Variants in STARD10 observed in about 807,000 individuals in gnomAD.
STARD10 encodes the protein START domain-containing protein 10.
STARD10 carries 24 observed loss-of-function variants against 36.0 expected under a neutral mutation model. The observed-to-expected ratio is 0.67, with a 90% CI of 0.48 to 0.94. STARD10 has a LOEUF of 0.94. Among genes scored for constraint, STARD10 ranks in the 40% least tolerant of loss-of-function variants. STARD10 has a pLI of 0.00. For synonymous variants in STARD10, 156 were observed against 161.9 expected, an observed-to-expected ratio of 0.96 and a Z score of 0.28; for missense variants, 335 against 396.6, an observed-to-expected ratio of 0.84 and a Z score of 1.32.
rs766874491 is a variant in STARD10 at position 72,781,220 on chromosome 11, G to C, written c.-39C>G. 1.5e-5 allele frequency: 23 copies of C among 1,571,310 alleles called. No homozygotes were observed. In the South Asian group the frequency reaches 2.5e-4, roughly 17 times the overall value. Reference sequence around the variant, plus strand: ...AGGCCCAGGGCCCTGGTCCTAGTCCGGCTCTCCTGGGTCCTCCGCGGAGGC... The same window carrying C: ...AGGCCCAGGGCCCTGGTCCTAGTCCCGCTCTCCTGGGTCCTCCGCGGAGGC... On this transcript the variant is annotated 5_prime_UTR_variant, in exon 2 of 7. Transcript: ENST00000334805. The surrounding 1 kb of genome is among the most constrained non-coding windows in gnomAD (Gnocchi z 4.7).
At chr11:72,790,345 G>A (rs1432840931) in intron 1 of STARD10, 6 of 134,378 alleles carry the variant, frequency 4.5e-5, no homozygotes, top group Non-Finnish European at 9.7e-5. Context: ...ACCTCGCCGT[G>A]GGGCTCTCAG....
intron 2 of STARD10, among the ~76,000 whole-genome samples, chr11:72,771,275 C>G (rs1858853013): frequency 6.6e-6 from 1 of 152,144 alleles, no homozygotes; most frequent in African/African-American, 2.4e-5. Flanking sequence ...ATGCTGGGAG[C>G]TAGGGCTTTT....
At position 72,757,885 on chromosome 11, in the gene STARD10, CTGGGGA is replaced by C; in HGVS notation, c.460-7_460-2del. ...CCAAGTCTTTCCGAGGTGGGTATTT[CTGGGGA>C]TGGAAGGCACAGGGAGGTGAGACTC... On this transcript the variant is annotated splice_acceptor_variant and splice_polypyrimidine_tract_variant and intron_variant, in intron 4 of 6. Transcript: ENST00000334805. LOFTEE classifies it high-confidence loss of function. The C allele has an allele frequency of 6.2e-7, 1 of 1,614,106 alleles. No individual in the cohort carries two copies. Among genetic ancestry groups the C allele is most frequent in the Non-Finnish European group, 8.5e-7 (1 of 1,179,956 alleles).
chr11:72,771,471 G>C (rs1193350703), intron 2 of STARD10, among the ~76,000 whole-genome samples: 1 of 152,082 alleles, frequency 6.6e-6, no homozygotes, highest in Non-Finnish European at 1.5e-5. Context: ...TGAAGTGAAG[G>C]GGATCTGGCA....
intron 2 of STARD10, among the ~76,000 whole-genome samples, chr11:72,764,679 A>G (rs1373882772): frequency 2.6e-5 from 4 of 152,186 alleles, no homozygotes; most frequent in Admixed American, 2.6e-4. Context: ...CAAAGGTGTA[A>G]TTCTAAGAGG....
rs185645746 is a variant in STARD10, at chr11:72,772,897, A to G, written c.207+8078T>C. Among the ~76,000 whole-genome samples, 586 of 151,820 alleles carry G rather than the reference A, an allele frequency of 3.9e-3. 4 individuals carry two copies. The highest frequency in any genetic ancestry group is 6.0e-3 in the Non-Finnish European group (411 of 67,942). On this transcript the variant is annotated intron_variant, in intron 2 of 6. Transcript: ENST00000334805. Reference sequence around the variant, plus strand: ...GGAGAAGCCCCTGTACCGTCCCCCAACCATGCTGCCAGTCATATACTCACT... The same window carrying G: ...GGAGAAGCCCCTGTACCGTCCCCCAGCCATGCTGCCAGTCATATACTCACT...
Position 72,781,069 on chromosome 11 carries a change from T to A in STARD10, c.113A>T (p.Glu38Val). 1.2e-6 allele frequency: 2 copies of A among 1,614,070 alleles called. No homozygotes were observed. Among genetic ancestry groups the A allele is most frequent in the Non-Finnish European group, 1.7e-6 (2 of 1,180,012 alleles). ...QDFRSFRSEC[E>V]AEVGWNLTYS... ...GGTCAGGTTCCAGCCCACCTCAGCC[T>A]CACACTCTGACCGGAAGCTGCGAAA... is the stretch of plus-strand genomic sequence containing the variant. The change falls in exon 2 of 7, where the codon GAG becomes GTG. Residue 38 changes from glutamate (E) to valine (V), a missense_variant. Coordinates refer to ENST00000334805, the MANE Select transcript of STARD10 (RefSeq NM_006645.3). The surrounding 1 kb of genome is among the most constrained non-coding windows in gnomAD (Gnocchi z 4.7).
chr11:72,762,194 T>G (rs535795218), intron 2 of STARD10, among the ~76,000 whole-genome samples: 128 of 152,018 alleles, frequency 8.4e-4, no homozygotes, highest in South Asian at 6.5e-3. Flanking sequence ...CCAAAGTGCT[T>G]GGATTACAGG....
intron 2 of STARD10, among the ~76,000 whole-genome samples, chr11:72,773,464 ACT>A (rs1858890667): frequency 6.6e-6 from 1 of 152,170 alleles, no homozygotes; most frequent in South Asian, 2.1e-4. Flanking sequence ...ATCACAGACA[ACT>A]CTGCTTCTGC....
At chr11:72,780,299 G>C (rs899815118) in intron 2 of STARD10, 4 of 391,664 alleles carry the variant, frequency 1.0e-5, no homozygotes, top group African/African-American at 8.3e-5. Flanking sequence ...GTGAGCGACT[G>C]ATGTGTCTGC....
In STARD10 at chr11:72,781,113, C is replaced by G. The variant is rs773325739; in HGVS notation, c.69G>C (p.Gln23His). The G allele has an allele frequency of 8.1e-6, 13 of 1,613,788 alleles. No individual in the cohort carries two copies. The highest frequency in any genetic ancestry group is 1.1e-5 in the South Asian group (1 of 91,092). Residue 23 changes from glutamine (Q) to histidine (H), a missense_variant, in exon 2 of 7, where the codon CAG becomes CAC. Gln to His is a conservative substitution (Grantham distance 24). Transcript: ENST00000334805. This position sits in a 1 kb window ranked among gnomAD's most constrained non-coding sequence, Gnocchi z 4.7. Reference protein sequence around the residue: ...PRPVLGRESVQVPDDQDFRSF... With the variant: ...PRPVLGRESVHVPDDQDFRSF... ...TGCGAAAGTCTTGGTCATCGGGCAC[C>G]TGGACACTCTCACGGCCCAGGACCG...
chr11:72,785,059 C>T (rs745409037), intron 1 of STARD10, among the ~76,000 whole-genome samples: 1 of 152,136 alleles, frequency 6.6e-6, no homozygotes, highest in Non-Finnish European at 1.5e-5. Context: ...GAAAGAGTCA[C>T]ACCAGACTTT....
At chr11:72,771,075 A>C (rs1858850389) in intron 2 of STARD10, among the ~76,000 whole-genome samples, 1 of 152,176 alleles carries the variant, frequency 6.6e-6, no homozygotes, top group South Asian at 2.1e-4. Context: ...ATCTGGGAGG[A>C]GGGACAATTA....
intron 2 of STARD10, chr11:72,780,121 C>G (rs899951587): frequency 4.8e-6 from 2 of 420,102 alleles, no homozygotes; most frequent in African/African-American, 4.1e-5. Flanking sequence ...ACAGCAACAT[C>G]AGATGTGTTG....
intron 2 of STARD10, among the ~76,000 whole-genome samples, chr11:72,773,371 G>T (rs546073638): frequency 6.6e-6 from 1 of 152,218 alleles, no homozygotes; most frequent in Non-Finnish European, 1.5e-5. Flanking sequence ...AGGACAGGGG[G>T]CTTCAGAAGG....
chr11:72,789,595 G>A (rs1333045676), intron 1 of STARD10, among the ~76,000 whole-genome samples: 2 of 152,198 alleles, frequency 1.3e-5, no homozygotes. Flanking sequence ...AGGGGGTCTG[G>A]CCATGTCTAG....
At chr11:72,755,306 CT>C (rs542293512) in intron 6 of STARD10, 164 bp from the exon 7 acceptor site, 43,708 of 350,118 alleles carry the variant, frequency 0.12, 4 homozygotes, top group East Asian at 0.17. Flanking sequence ...ATTCTCCATT[CT>C]TTTTTTTTTT....
rs979462107 is a variant in STARD10, at chr11:72,781,544, G to A, written c.-113-250C>T. 29 of 194,422 alleles carry A rather than the reference G, an allele frequency of 1.5e-4. No homozygotes were observed. The highest frequency in any genetic ancestry group is 1.1e-4 in the South Asian group (1 of 8,828). The allele number at this position is 194,422 out of a possible 1,614,324, so 12.0% of individuals were successfully genotyped here. ...GACCCAGGGACTGGCCGGGACCCGA[G>A]GGGAGGGACGGTGCGGCGGGGCCCG... On this transcript the variant is annotated intron_variant, in intron 1 of 6. Coordinates refer to ENST00000334805, the MANE Select transcript of STARD10 (RefSeq NM_006645.3). The surrounding 1 kb of genome is among the most constrained non-coding windows in gnomAD (Gnocchi z 4.7).
At chr11:72,772,110 T>C (rs368085392) in intron 2 of STARD10, among the ~76,000 whole-genome samples, 31 of 152,372 alleles carry the variant, frequency 2.0e-4, no homozygotes, top group East Asian at 9.6e-4. Context: ...AGCGCTGCCA[T>C]AGCAGTCACG....
Sources: allele counts gnomAD v4.1 joint callset (sites outside exome capture counted in the v4.1 genomes callset), GRCh38; gene constraint gnomAD v4.1.1; non-coding constraint Gnocchi (gnomAD v3.1); transcripts MANE v1.5; gene names NCBI Gene and HGNC (gene_info 2026-07-23, HGNC 2026-07-21).